The following MALAT1 variants were observed in gnomAD, a reference collection of about 807,000 sequenced individuals.
MALAT1 encodes metastasis associated lung adenocarcinoma transcript 1, also known as hepcarcin.
At position 65,499,135 on chromosome 11, in the gene MALAT1, T is replaced by C. The variant is rs111233937; in HGVS notation, n.398T>C. 50 of 516,252 alleles carry C rather than the reference T, an allele frequency of 9.7e-5. 1 individual carries two copies. The highest frequency in any genetic ancestry group is 7.1e-4 in the African/African-American group (36 of 50,862). The allele number at this position is 516,252 out of a possible 1,614,324, so 32.0% of individuals were successfully genotyped here. A position where few individuals can be genotyped will look rare whatever the true frequency, so the allele number is the denominator to read the frequency against. On this transcript the variant is annotated non_coding_transcript_exon_variant, in exon 3 of 4. Coordinates refer to ENST00000619449, the Ensembl canonical transcript of MALAT1. The stretch of plus-strand genomic sequence containing the variant: ...GATAAGTTTTTTTCTCTTTGAAAGA[T>C]AGAGATTAATACAACTACTTAAAAA...
chr11:65,502,676 G>T (rs575978615), exon 3 of MALAT1: 10 of 492,964 alleles, frequency 2.0e-5, no homozygotes, highest in South Asian at 1.5e-4. Flanking sequence ...TAACCAGCCT[G>T]GCAGTATGAT....
Position 65,504,148 on chromosome 11 carries a change from C to T in MALAT1, n.5168+243C>T, listed in dbSNP as rs146308475. 315 of 516,868 alleles carry T rather than the reference C, an allele frequency of 6.1e-4. 2 individuals carry two copies. The highest frequency in any genetic ancestry group is 5.7e-3 in the African/African-American group (295 of 51,972). 32.0% of individuals were successfully genotyped at this position (516,868 alleles called of 1,614,324 possible). On this transcript the variant is annotated intron_variant and non_coding_transcript_variant, in intron 3 of 3. Coordinates refer to ENST00000619449, the Ensembl canonical transcript of MALAT1. ...TCCTTTGCAGAGGCATTTCATCCTT[C>T]ATGAAGCCATTCAGGATTTTGAATT...
chr11:65,502,201 C>T, exon 3 of MALAT1: 1 of 518,828 alleles, frequency 1.9e-6, no homozygotes, highest in South Asian at 1.4e-5. Context: ...TTGGTCTGGC[C>T]TACTGGGCTG....
chr11:65,499,388 C>G, exon 3 of MALAT1: 1 of 489,212 alleles, frequency 2.0e-6, no homozygotes, highest in East Asian at 5.8e-5. Flanking sequence ...CGAATTAATA[C>G]CAATAGAAGG....
chr11:65,505,017 C>G (rs759328207), intron 3 of MALAT1: 1 of 518,892 alleles, frequency 1.9e-6, no homozygotes, highest in East Asian at 5.4e-5. Context: ...ATGAGGAAAA[C>G]AGGTGAACAA....
At chr11:65,497,768 G>A in exon 1 of MALAT1, 1 of 463,304 alleles carries the variant, frequency 2.2e-6, no homozygotes, top group South Asian at 1.5e-5. Flanking sequence ...TTCTGTAAAG[G>A]ACTGGGGCCC....
exon 3 of MALAT1, chr11:65,502,601 T>C: frequency 2.1e-6 from 1 of 480,900 alleles, no homozygotes; most frequent in Non-Finnish European, 4.0e-6. Context: ...TGGGCTTTTG[T>C]TGATGAGGGA....
At chr11:65,504,651 T>C (rs1485268666) in intron 3 of MALAT1, 1 of 518,980 alleles carries the variant, frequency 1.9e-6, no homozygotes, top group Admixed American at 1.9e-5. Context: ...CCTTTAGTCT[T>C]TTCCAGATGC....
chr11:65,506,328 C>CTTGAT (rs1565058194), exon 4 of MALAT1: 1 of 471,212 alleles, frequency 2.1e-6, no homozygotes, highest in Non-Finnish European at 4.1e-6. Context: ...AGGAGCTTGA[C>CTTGAT]TTGATTGTAT....
exon 4 of MALAT1, chr11:65,506,336 T>A: frequency 2.1e-6 from 1 of 468,756 alleles, no homozygotes. Flanking sequence ...GACTTGATTG[T>A]ATATTCATAT....
exon 3 of MALAT1, chr11:65,503,286 T>G (rs1423104802): frequency 1.9e-6 from 1 of 518,122 alleles, no homozygotes; most frequent in African/African-American, 1.9e-5. Flanking sequence ...TGGCACTTTC[T>G]CCTGACCCCT....
exon 3 of MALAT1, chr11:65,501,445 C>T (rs1400190870): frequency 1.9e-6 from 1 of 514,804 alleles, no homozygotes; most frequent in South Asian, 1.4e-5. Context: ...CTGGTAGTTA[C>T]TCTTTTTTCC....
chr11:65,505,323 G>T (rs753093881), intron 3 of MALAT1: 2 of 518,876 alleles, frequency 3.9e-6, no homozygotes, highest in Non-Finnish European at 7.7e-6. Context: ...TAGTAATGAG[G>T]ACTTGCCTCA....
intron 3 of MALAT1, chr11:65,505,594 C>G (rs1214172289): frequency 1.9e-6 from 1 of 518,956 alleles, no homozygotes; most frequent in Admixed American, 1.9e-5. Flanking sequence ...AGCACAGACC[C>G]TTCACCCCTC....
exon 3 of MALAT1, chr11:65,501,584 T>C (rs369056113): frequency 3.3e-4 from 171 of 518,790 alleles, no homozygotes; most frequent in Non-Finnish European, 6.0e-4. Flanking sequence ...TTTCTAAGAT[T>C]TTCCACAGAT....
At chr11:65,499,568 T>C in exon 3 of MALAT1, 1 of 455,572 alleles carries the variant, frequency 2.2e-6, no homozygotes, top group Non-Finnish European at 4.4e-6. Flanking sequence ...ATTTAAAGCC[T>C]AGTTAACGCA....
exon 3 of MALAT1, chr11:65,503,738 C>T (rs1381439179): frequency 7.7e-6 from 4 of 517,036 alleles, no homozygotes; most frequent in East Asian, 5.4e-5. Flanking sequence ...GAAACTTTGT[C>T]TGCGAACACT....
At chr11:65,506,267 G>A in exon 4 of MALAT1, 1 of 451,254 alleles carries the variant, frequency 2.2e-6, no homozygotes, top group Non-Finnish European at 4.3e-6. Flanking sequence ...GAGGTGGGAG[G>A]TAACAGCACA....
intron 3 of MALAT1, chr11:65,505,781 C>T (rs747391217): frequency 3.9e-6 from 2 of 516,348 alleles, no homozygotes; most frequent in Non-Finnish European, 3.9e-6. Context: ...TATTATAATA[C>T]TTATCCAGTG....
Sources: gnomAD v4.1 joint callset for allele counts on GRCh38, gnomAD v4.1.1 for gene constraint, MANE v1.5 for transcripts, NCBI Gene and HGNC (gene_info 2026-07-23, HGNC 2026-07-21) for gene names.